CYFIP1: variants seen among roughly 807,000 people sequenced by gnomAD.
The protein encoded by CYFIP1 is cytoplasmic FMR1 interacting protein 1, also known as cytoplasmic FMR1-interacting protein 1.
CYFIP1 carries 58 observed loss-of-function variants against 163.5 expected under a neutral mutation model. That is an observed-to-expected ratio of 0.35 (90% CI 0.29 to 0.44). The LOEUF (loss-of-function observed/expected upper bound fraction) is 0.44, where lower values mean the gene tolerates loss of function less well. Ranked by LOEUF, CYFIP1 falls within the 20% of genes least tolerant of loss-of-function variation. CYFIP1 has a pLI of 1.00. For missense variants in CYFIP1, 1,338 were observed against 1,653.8 expected, an observed-to-expected ratio of 0.81 and a Z score of 3.31; for synonymous variants, 663 against 660.7, an observed-to-expected ratio of 1.00 and a Z score of -0.05.
rs752686876 is a variant in CYFIP1 at position 22,869,728 on chromosome 15, A to G, written c.*300T>C. ...TGGTATTAAGTTTCTTATGGAATGA[A>G]TGAATGAACCCAGCAGCATTTTATG... On this transcript the variant is annotated 3_prime_UTR_variant, in exon 31 of 31. Transcript: ENST00000617928. 16 of 240,692 alleles carry G rather than the reference A, an allele frequency of 6.6e-5. No individual in the cohort carries two copies. Among genetic ancestry groups the G allele is most frequent in the Non-Finnish European group, 1.0e-4 (13 of 127,080 alleles). 14.9% of individuals were successfully genotyped at this position (240,692 alleles called of 1,614,324 possible). A position where few individuals can be genotyped will look rare whatever the true frequency, so the allele number is the denominator to read the frequency against.
chr15:22,910,096 G>A (rs944290995), intron 20 of CYFIP1, among the ~76,000 whole-genome samples: 6 of 152,088 alleles, frequency 3.9e-5, no homozygotes, highest in South Asian at 2.1e-4. Flanking sequence ...TTATAAGGAC[G>A]TTCACAGTCA....
chr15:22,874,763 T>G, intron 27 of CYFIP1, 119 bp from the exon 28 acceptor site: 1 of 673,394 alleles, frequency 1.5e-6, no homozygotes, highest in Non-Finnish European at 2.3e-6. Flanking sequence ...ATACAGATTC[T>G]CTTTGAAAAT....
chr15:22,905,383 A>G (rs1312758928), intron 21 of CYFIP1: 1 of 152,144 alleles, frequency 6.6e-6, no homozygotes, highest in Non-Finnish European at 1.5e-5. Flanking sequence ...TGACAGGTAC[A>G]CTGAATCTTC....
At chr15:22,897,301 A>C (rs980882543) in intron 22 of CYFIP1, among the ~76,000 whole-genome samples, 3 of 152,008 alleles carry the variant, frequency 2.0e-5, no homozygotes, top group Non-Finnish European at 4.4e-5. Context: ...GAAATCCAGA[A>C]TGGCAAGAAT....
intron 12 of CYFIP1, among the ~76,000 whole-genome samples, 199 bp from the exon 13 acceptor site, chr15:22,926,306 A>C (rs913233653): frequency 1.3e-5 from 2 of 152,176 alleles, no homozygotes; most frequent in Non-Finnish European, 2.9e-5. Context: ...CTCGTTTAAA[A>C]AATCTACCCG....
intron 17 of CYFIP1, among the ~76,000 whole-genome samples, chr15:22,913,500 C>T (rs1294674654): frequency 1.7e-5 from 2 of 120,932 alleles, no homozygotes; most frequent in African/African-American, 6.6e-5. Flanking sequence ...TGCACTCCAG[C>T]CTGGGTAACA....
In CYFIP1 at chr15:22,912,430, G is replaced by A. The variant is rs142117355; in HGVS notation, c.1986-155C>T. 3.5e-4 allele frequency: 193 copies of A among 555,864 alleles called. 1 individual carries two copies. The highest frequency in any genetic ancestry group is 3.1e-3 in the African/African-American group (161 of 51,584). The allele number at this position is 555,864 out of a possible 1,614,324, so 34.4% of individuals were successfully genotyped here. ...AACACCAGTCCTCCTGTGAAAGCAC[G>A]TGGTGGCTGCGCCTGAGGCGGCCGC... is the stretch of plus-strand genomic sequence containing the variant. On this transcript the variant is annotated intron_variant, in intron 17 of 30. Transcript: ENST00000617928.
chr15:22,951,462 C>T (rs1415157279), intron 1 of CYFIP1: 2 of 1,289,440 alleles, frequency 1.6e-6, no homozygotes, highest in South Asian at 2.5e-5. Flanking sequence ...CACGCAGGCA[C>T]CTCAGGGTGA....
chr15:22,923,389 C>T (rs932145846), intron 13 of CYFIP1, among the ~76,000 whole-genome samples: 8 of 151,994 alleles, frequency 5.3e-5, no homozygotes, highest in South Asian at 2.1e-4. Flanking sequence ...GTTAGAAAAC[C>T]GCAAATCAAA....
At chr15:22,945,815 C>T (rs12915771) in intron 3 of CYFIP1, among the ~76,000 whole-genome samples, 151,873 of 151,878 alleles carry the variant, frequency 1, 75,934 homozygotes, top group Middle Eastern at 1. Flanking sequence ...ACTCCTGACC[C>T]TAGGTGATCC....
intron 1 of CYFIP1, chr15:22,951,356 G>GA: frequency 8.2e-7 from 1 of 1,219,802 alleles, no homozygotes; most frequent in Non-Finnish European, 1.1e-6. Context: ...ACACACCTCA[G>GA]AAAGGAGCAG....
intron 30 of CYFIP1, among the ~76,000 whole-genome samples, chr15:22,871,958 CT>C (rs1285337513): frequency 6.6e-6 from 1 of 152,160 alleles, no homozygotes; most frequent in African/African-American, 2.4e-5. Context: ...GGTATTTAAA[CT>C]GCCAAGCCTG....
chr15:22,954,788 T>C (rs1249061137), intron 1 of CYFIP1, among the ~76,000 whole-genome samples: 3 of 152,212 alleles, frequency 2.0e-5, no homozygotes, highest in Non-Finnish European at 2.9e-5. Flanking sequence ...CATCAGTTCG[T>C]TTATTTTGTA....
At chr15:22,896,929 G>A (rs541788264) in intron 22 of CYFIP1, among the ~76,000 whole-genome samples, 86 of 152,110 alleles carry the variant, frequency 5.7e-4, no homozygotes, top group African/African-American at 2.0e-3. Flanking sequence ...AGTGTTGGCC[G>A]GGCGAGGTGG....
intron 1 of CYFIP1, among the ~76,000 whole-genome samples, chr15:22,964,308 ACACAC>A (rs1188451583): frequency 4.5e-5 from 5 of 111,540 alleles, no homozygotes; most frequent in African/African-American, 1.5e-4. Flanking sequence ...ACACACACAC[ACACAC>A]AACTGGCGGC....
chr15:22,973,246 C>T (rs1476198965), intron 1 of CYFIP1, among the ~76,000 whole-genome samples: 8 of 131,322 alleles, frequency 6.1e-5, no homozygotes, highest in African/African-American at 2.1e-4. Flanking sequence ...CCCAAAAGGG[C>T]AAGGCTGCAG....
At chr15:22,955,340 C>T (rs764905512) in intron 1 of CYFIP1, among the ~76,000 whole-genome samples, 2 of 152,232 alleles carry the variant, frequency 1.3e-5, no homozygotes, top group Non-Finnish European at 2.9e-5. Context: ...GGTTGAGAAC[C>T]GCCCTGACCC....
At chr15:22,980,675 C>T (rs577376010), upstream of CYFIP1, among the ~76,000 whole-genome samples, 1 of 152,142 alleles carries the variant, frequency 6.6e-6, no homozygotes, top group African/African-American at 2.4e-5. Flanking sequence ...GGAACGGGGT[C>T]CGCACCCTGT....
intron 1 of CYFIP1, chr15:22,951,366 G>A: frequency 7.9e-7 from 1 of 1,259,094 alleles, no homozygotes; most frequent in Non-Finnish European, 1.0e-6. Flanking sequence ...GAAAGGAGCA[G>A]TGCAGGGCAG....
Sources: allele counts gnomAD v4.1 joint callset (sites outside exome capture counted in the v4.1 genomes callset), GRCh38; gene constraint gnomAD v4.1.1; transcripts MANE v1.5; gene names NCBI Gene and HGNC (gene_info 2026-07-23, HGNC 2026-07-21).